The following GIN1 variants were observed in gnomAD, a reference collection of about 807,000 sequenced individuals.
GIN1 encodes gypsy retrotransposon integrase 1.
A neutral mutation model predicts 51.4 loss-of-function variants in GIN1; 41 were observed. The observed-to-expected ratio is 0.80, with a 90% CI of 0.62 to 1.04. The LOEUF is 1.04. GIN1 is among the 50% of genes least tolerant of loss of function. The pLI is 0.00. For missense variants in GIN1, 610 were observed against 612.4 expected, an observed-to-expected ratio of 1.00 and a Z score of 0.04; for synonymous variants, 222 against 206.5, an observed-to-expected ratio of 1.07 and a Z score of -0.64.
chr5:103,112,716 C>T (rs1787921599), intron 1 of GIN1, among the ~76,000 whole-genome samples: 2 of 152,112 alleles, frequency 1.3e-5, no homozygotes, highest in African/African-American at 4.8e-5. Context: ...TGATCTTGAC[C>T]TCTCCTAATC....
intron 7 of GIN1, among the ~76,000 whole-genome samples, chr5:103,094,548 C>A (rs887134879): frequency 1.3e-5 from 2 of 152,124 alleles, no homozygotes; most frequent in African/African-American, 4.8e-5. Flanking sequence ...ATACTGAGTT[C>A]TGAATGTTCA....
intron 1 of GIN1, among the ~76,000 whole-genome samples, chr5:103,110,967 A>T (rs1554196863): frequency 1.3e-5 from 2 of 152,006 alleles, no homozygotes; most frequent in African/African-American, 4.8e-5. Flanking sequence ...CTGCCCTCCA[A>T]TCTGCCACAT....
chr5:103,091,957 G>A (rs888052177), intron 7 of GIN1, among the ~76,000 whole-genome samples: 16 of 151,810 alleles, frequency 1.1e-4, no homozygotes, highest in African/African-American at 3.4e-4. Flanking sequence ...CCCAGGAGGC[G>A]GAGGTTGCAG....
intron 1 of GIN1, among the ~76,000 whole-genome samples, chr5:103,113,834 C>T (rs1256566350): frequency 3.9e-5 from 6 of 152,138 alleles, no homozygotes; most frequent in African/African-American, 1.4e-4. Context: ...AAGGTCCAAC[C>T]TCTTAATACC....
In GIN1 at chr5:103,106,842, T is replaced by C; in HGVS notation, c.207A>G (p.Glu69=). The C allele has an allele frequency of 6.2e-7, 1 of 1,603,668 alleles. No individual in the cohort carries two copies. The highest frequency in any genetic ancestry group is 1.1e-5 in the South Asian group (1 of 89,320). The stretch of plus-strand genomic sequence containing the variant: ...GGCATTCTCTTAAGACTTTCTTTTT[T>C]TCCTCTTCTGAAACAATTACCAAAC... The part of the protein sequence containing the change: ...QNRLVIVSEE[E]KKKVLRECHE... The change falls in exon 3 of 8, where the codon GAA becomes GAG. Residue 69 remains glutamate, a synonymous_variant. Coordinates refer to ENST00000399004, the MANE Select transcript of GIN1 (RefSeq NM_017676.2).
rs1197767338 is a variant in GIN1, at chr5:103,086,895, A to G, written c.*1003T>C. 1 of 152,256 alleles carries G rather than the reference A, an allele frequency of 6.6e-6. No homozygotes were observed. The highest frequency in any genetic ancestry group is 1.5e-5 in the Non-Finnish European group (1 of 68,046). The allele number at this position is 152,256 out of a possible 1,614,324, so 9.4% of individuals were successfully genotyped here. A position where few individuals can be genotyped will look rare whatever the true frequency, so the allele number is the denominator to read the frequency against. On this transcript the variant is annotated 3_prime_UTR_variant, in exon 8 of 8. Transcript: ENST00000399004. ...CAATATTTATTTTATATTTATGAAT[A>G]TCATAGAAATTACAGTTTAAAATCT...
At position 103,087,758 on chromosome 5, in the gene GIN1, T is replaced by C. The variant is rs1030686067; in HGVS notation, c.*140A>G. 9.9e-6 allele frequency: 5 copies of C among 505,582 alleles called. No individual in the cohort carries two copies. Among genetic ancestry groups the C allele is most frequent in the Non-Finnish European group, 1.4e-5 (4 of 289,386 alleles). 31.3% of individuals were successfully genotyped at this position (505,582 alleles called of 1,614,324 possible). On this transcript the variant is annotated 3_prime_UTR_variant, in exon 8 of 8. Transcript: ENST00000399004. ...TATTCAAATGTGGCATAATTTTAGA[T>C]AAGAACTATAAAATAAACCTTCAGA...
At chr5:103,100,116 T>A (rs782148291) in intron 4 of GIN1, among the ~76,000 whole-genome samples, 30 of 152,044 alleles carry the variant, frequency 2.0e-4, no homozygotes, top group Admixed American at 5.2e-4. Flanking sequence ...TTTTTTATTT[T>A]TTTTTTTTGA....
intron 1 of GIN1, among the ~76,000 whole-genome samples, chr5:103,117,023 T>C (rs541623458): frequency 1.1e-4 from 16 of 152,104 alleles, no homozygotes; most frequent in East Asian, 1.9e-4. Flanking sequence ...ATTTACCATA[T>C]GGTCCAGCAA....
chr5:103,094,741 T>C (rs1165260140), intron 7 of GIN1, among the ~76,000 whole-genome samples: 3 of 152,210 alleles, frequency 2.0e-5, no homozygotes, highest in Admixed American at 6.5e-5. Flanking sequence ...CTAAAGAAGC[T>C]AGAACAACAT....
In GIN1 at chr5:103,104,807, C is replaced by T; in HGVS notation, c.373G>A (p.Val125Ile). The T allele has an allele frequency of 1.9e-6, 3 of 1,609,620 alleles. No individual in the cohort carries two copies. The highest frequency in any genetic ancestry group is 1.7e-6 in the Non-Finnish European group (2 of 1,177,376). Residue 125 changes from valine to isoleucine, a missense_variant, in exon 4 of 8, where the codon GTT becomes ATT. By Grantham distance (29) the Val-to-Ile change is conservative. Transcript: ENST00000399004. ...AGGTGCTGTTTCGGTGCTACAATAA[C>T]TGTATTTTTTGCCACTTGGCAATGC... ...CQHCQVAKNT[V>I]IVAPKQHLLK...
chr5:103,090,863 G>C (rs1417803035), intron 7 of GIN1, among the ~76,000 whole-genome samples: 3 of 151,772 alleles, frequency 2.0e-5, no homozygotes, highest in African/African-American at 7.3e-5. Context: ...TTGATTTTAA[G>C]AGAGCTTCTG....
Position 103,104,786 on chromosome 5 carries a change from G to C in GIN1, c.394C>G (p.His132Asp). Residue 132 changes from histidine to aspartate, a missense_variant, in exon 4 of 8, where the codon CAC becomes GAC. Coordinates refer to ENST00000399004, the MANE Select transcript of GIN1 (RefSeq NM_017676.2). ...CATGGATTTTCCACCTTGAGAAGGT[G>C]CTGTTTCGGTGCTACAATAACTGTA... is the stretch of plus-strand genomic sequence containing the variant. ...KNTVIVAPKQ[H>D]LLKVENPWSL... The C allele has an allele frequency of 1.9e-6, 3 of 1,611,886 alleles. No homozygotes were observed. Among genetic ancestry groups the C allele is most frequent in the Non-Finnish European group, 2.5e-6 (3 of 1,178,188 alleles).
Position 103,086,436 on chromosome 5 carries a change from C to T in GIN1, c.*1462G>A, listed in dbSNP as rs1787077690. On this transcript the variant is annotated 3_prime_UTR_variant, in exon 8 of 8. Transcript: ENST00000399004. ...GCTCTCCATAAGGTTTCCTACTTAC[C>T]TTTTCAGCTTTATCCCTCATTATCT... The T allele has an allele frequency of 6.6e-6, 1 of 152,150 alleles. No homozygotes were observed. The highest frequency in any genetic ancestry group is 6.5e-5 in the Admixed American group (1 of 15,276). The allele number at this position is 152,150 out of a possible 1,614,324, so 9.4% of individuals were successfully genotyped here.
chr5:103,088,041 A>C lies in GIN1; in HGVS notation c.1426T>G (p.Leu476Val). The change falls in exon 8 of 8, where the codon TTA becomes GTA. Residue 476 changes from leucine to valine, a missense_variant. Transcript: ENST00000399004. ...TCACGATCCTTGCTTGATGTCAGTA[A>C]TTCATTATCGACTATACCAATAGTT... Reference protein sequence around the residue: ...DATIGIVDNELLTSSKDRELL... With the variant: ...DATIGIVDNEVLTSSKDRELL... 1 of 1,610,966 alleles carries C rather than the reference A, an allele frequency of 6.2e-7. No individual in the cohort carries two copies. Among genetic ancestry groups the C allele is most frequent in the Non-Finnish European group, 8.5e-7 (1 of 1,177,394 alleles).
chr5:103,102,300 A>G (rs376473141), intron 4 of GIN1: 17 of 152,326 alleles, frequency 1.1e-4, no homozygotes, highest in East Asian at 3.9e-4. Context: ...CATTTGTGAC[A>G]CTAGCTTTAT....
intron 1 of GIN1, among the ~76,000 whole-genome samples, chr5:103,118,672 G>A (rs1337085478): frequency 7.5e-6 from 1 of 133,380 alleles, no homozygotes; most frequent in Non-Finnish European, 1.7e-5. Context: ...TTCACGAAAA[G>A]CATAGCCTTT....
At chr5:103,119,255 A>G (rs1788253603) in intron 1 of GIN1, among the ~76,000 whole-genome samples, 1 of 152,220 alleles carries the variant, frequency 6.6e-6, no homozygotes, top group African/African-American at 2.4e-5. Flanking sequence ...CCATCTTAAA[A>G]TCTGCAATTT....
At position 103,087,669 on chromosome 5, in the gene GIN1, T is replaced by G. The variant is rs1787112632; in HGVS notation, c.*229A>C. 3.4e-6 allele frequency: 1 copy of G among 290,520 alleles called. No homozygotes were observed. The highest frequency in any genetic ancestry group is 2.2e-5 in the African/African-American group (1 of 46,270). The allele number at this position is 290,520 out of a possible 1,614,324, so 18.0% of individuals were successfully genotyped here. A position where few individuals can be genotyped will look rare whatever the true frequency, so the allele number is the denominator to read the frequency against. On this transcript the variant is annotated 3_prime_UTR_variant, in exon 8 of 8. Transcript: ENST00000399004. ...TAGGGGTGCTTTGCCTGTTCTCTTT[T>G]TAGAAGAAAAAGTGAATTCTATATA...
Sources: allele counts gnomAD v4.1 joint callset (sites outside exome capture counted in the v4.1 genomes callset), GRCh38; gene constraint gnomAD v4.1.1; transcripts MANE v1.5; gene names NCBI Gene and HGNC (gene_info 2026-07-23, HGNC 2026-07-21).